The following TRMT44 variants were observed in gnomAD, a reference collection of about 807,000 sequenced individuals.
The protein encoded by TRMT44 is tRNA methyltransferase 44 homolog, also known as probable tRNA (uracil-O(2)-)-methyltransferase.
In TRMT44, 78 loss-of-function variants were observed where a neutral mutation model predicts 77.3. The observed-to-expected ratio is 1.01, with a 90% CI of 0.84 to 1.22. The LOEUF (loss-of-function observed/expected upper bound fraction) is 1.22, where lower values mean the gene tolerates loss of function less well. Ranked by LOEUF, TRMT44 falls within the 50% of genes most tolerant of loss-of-function variation. The pLI is 0.00. For missense variants in TRMT44, 1,090 were observed against 964.4 expected, an observed-to-expected ratio of 1.13 and a Z score of -1.73; for synonymous variants, 391 against 383.3, an observed-to-expected ratio of 1.02 and a Z score of -0.23.
At chr4:8,494,769 G>C (rs1728104010), downstream of TRMT44, among the ~76,000 whole-genome samples, 1 of 151,994 alleles carries the variant, frequency 6.6e-6, no homozygotes, top group Non-Finnish European at 1.5e-5. Flanking sequence ...CAGATATTTT[G>C]GGTTCAAATA....
chr4:8,483,963 G>T (rs1050270257), intron 2 of TRMT44, among the ~76,000 whole-genome samples: 3 of 152,200 alleles, frequency 2.0e-5, no homozygotes, highest in Non-Finnish European at 4.4e-5. Context: ...AGCTTCATGT[G>T]TAGGGAAGGG....
At chr4:8,482,061 G>A in intron 2 of TRMT44, among the ~76,000 whole-genome samples, 1 of 152,244 alleles carries the variant, frequency 6.6e-6, no homozygotes, top group South Asian at 2.1e-4. Flanking sequence ...GTCGAGGTCT[G>A]CAAAGCTTTT....
At chr4:8,465,075 G>A (rs1269854182) in intron 7 of TRMT44, among the ~76,000 whole-genome samples, 2 of 152,124 alleles carry the variant, frequency 1.3e-5, no homozygotes, top group Non-Finnish European at 2.9e-5. Context: ...AGTGGGGAGT[G>A]AGGGAGAGGG....
intron 7 of TRMT44, among the ~76,000 whole-genome samples, chr4:8,464,998 A>T (rs1369864945): frequency 6.6e-6 from 1 of 152,176 alleles, no homozygotes; most frequent in East Asian, 1.9e-4. Context: ...CTCACTGATA[A>T]GTGGGAGCTA....
Position 8,470,956 on chromosome 4 carries a change from C to T in TRMT44, c.1928-128C>T, listed in dbSNP as rs1726948672. 3 of 657,528 alleles carry T rather than the reference C, an allele frequency of 4.6e-6. No individual in the cohort carries two copies. The South Asian group carries it at 5.8e-5, about 13-fold the overall frequency. The allele number at this position is 657,528 out of a possible 1,614,324, so 40.7% of individuals were successfully genotyped here. Reference sequence around the variant, plus strand: ...TGGTGTGGGTTAGGTGAGATGGAATCGTCCTTCGTGCTGGAGTGCATAACG... The same window carrying T: ...TGGTGTGGGTTAGGTGAGATGGAATTGTCCTTCGTGCTGGAGTGCATAACG... On this transcript the variant is annotated intron_variant, in intron 9 of 10. Transcript: ENST00000389737.
the TRMT44 span, chr4:8,512,422 A>G: frequency 6.6e-6 from 1 of 152,188 alleles, no homozygotes; most frequent in Non-Finnish European, 1.5e-5. Flanking sequence ...TCATCTTTGC[A>G]TGATTTCCAG....
At chr4:8,507,767 TC>T in the TRMT44 span, among the ~76,000 whole-genome samples, 1 of 152,132 alleles carries the variant, frequency 6.6e-6, no homozygotes, top group African/African-American at 2.4e-5. Flanking sequence ...CACAGCGTGT[TC>T]CGGCCCCCGC....
At chr4:8,453,925 C>CT (rs934781683) in intron 5 of TRMT44, among the ~76,000 whole-genome samples, 1 of 152,134 alleles carries the variant, frequency 6.6e-6, no homozygotes, top group African/African-American at 2.4e-5. Context: ...TTACAATGCC[C>CT]TTTTTCAAGT....
intron 3 of TRMT44, 61 bp downstream of exon 3, chr4:8,449,949 C>CTTTTTTTTTTTTTTTTTTTTTTTTT (rs745915221): frequency 8.8e-5 from 21 of 239,152 alleles, no homozygotes; most frequent in South Asian, 3.0e-4. Context: ...CTTTTCTTTT[C>CTTTTTTTTTTTTTTTTTTTTTTTTT]TTTTTTTTTT....
chr4:8,449,249 C>A (rs1032645787), intron 2 of TRMT44, among the ~76,000 whole-genome samples: 2 of 152,248 alleles, frequency 1.3e-5, no homozygotes, highest in African/African-American at 4.8e-5. Flanking sequence ...GCCTTTATCT[C>A]TGTGGCTGAG....
In TRMT44 at chr4:8,465,499, G is replaced by A. The variant is rs552465552; in HGVS notation, c.1432G>A (p.Val478Met). 16 of 1,614,068 alleles carry A rather than the reference G, an allele frequency of 9.9e-6. No individual in the cohort carries two copies. Among genetic ancestry groups the A allele is most frequent in the Middle Eastern group, 1.6e-4 (1 of 6,084 alleles). Residue 478 changes from valine to methionine, a missense_variant, in exon 8 of 11, where the codon GTG (valine) becomes ATG (methionine). By Grantham distance (21) the Val-to-Met change is conservative. Coordinates refer to ENST00000389737, the MANE Select transcript of TRMT44 (RefSeq NM_152544.3). ...YREYLDFIKE[V>M]GFTCGFHVDE... ...GGAATACCTTGACTTCATTAAAGAA[G>A]TGGGCTTCACCTGTGGGTTTCACGT...
Position 8,468,104 on chromosome 4 carries a change from C to T in TRMT44, c.1685C>T (p.Ala562Val). 6.2e-7 allele frequency: 1 copy of T among 1,613,944 alleles called. No individual in the cohort carries two copies. The highest frequency in any genetic ancestry group is 8.5e-7 in the Non-Finnish European group (1 of 1,179,978). The part of the protein sequence containing the change: ...GHCDGQQALD[A>V]RVGCVTRAWA... Reference sequence around the variant, plus strand: ...TGTGACGGTCAGCAAGCTCTGGACGCCAGGGTCGGGTGTGTAACCAGGGCC... The same window carrying T: ...TGTGACGGTCAGCAAGCTCTGGACGTCAGGGTCGGGTGTGTAACCAGGGCC... Residue 562 changes from alanine to valine, a missense_variant, in exon 9 of 11, where the codon GCC (alanine) becomes GTC (valine). Physicochemically the swap from Ala to Val is moderately conservative, Grantham distance 64 (BLOSUM62 0). Transcript: ENST00000389737.
intron 1 of TRMT44, among the ~76,000 whole-genome samples, chr4:8,445,674 A>C (rs1009728785): frequency 6.6e-6 from 1 of 151,980 alleles, no homozygotes; most frequent in Non-Finnish European, 1.5e-5. Flanking sequence ...TCTGATTGTT[A>C]GAGTTTTCTC....
At chr4:8,513,521 G>T in the TRMT44 span, among the ~76,000 whole-genome samples, 1 of 152,248 alleles carries the variant, frequency 6.6e-6, no homozygotes, top group African/African-American at 2.4e-5. Context: ...TAATCATAAA[G>T]GTGAAAATGG....
rs554381265 is a variant in TRMT44, at chr4:8,475,889, T to A, written c.2162T>A (p.Phe721Tyr). ...GCCTGCAAAACCCGCCTCTGCTGGT[T>A]CTTCATGCATCACCCTGATGGCTGC... The part of the protein sequence containing the change: ...SEACKTRLCW[F>Y]FMHHPDGCAL... Residue 721 changes from phenylalanine to tyrosine, a missense_variant, in exon 11 of 11, where the codon TTC (phenylalanine) becomes TAC (tyrosine). Physicochemically the swap from Phe to Tyr is conservative, Grantham distance 22. Coordinates refer to ENST00000389737, the MANE Select transcript of TRMT44 (RefSeq NM_152544.3). The A allele has an allele frequency of 1.9e-5, 31 of 1,614,206 alleles. No individual in the cohort carries two copies. In the East Asian group the frequency reaches 6.9e-4, roughly 36 times the overall value.
the TRMT44 span, among the ~76,000 whole-genome samples, chr4:8,502,826 CAG>C: frequency 2.0e-5 from 3 of 152,234 alleles, no homozygotes; most frequent in Non-Finnish European, 2.9e-5. Context: ...CGCTTACACT[CAG>C]GGGAGATTAA....
chr4:8,443,756 C>T (rs568896837), intron 1 of TRMT44, among the ~76,000 whole-genome samples: 6 of 151,976 alleles, frequency 3.9e-5, no homozygotes, highest in African/African-American at 1.5e-4. Context: ...TGTGACTGTT[C>T]GAGACCAGCC....
downstream of TRMT44, chr4:8,479,080 C>G (rs1417570884): frequency 6.6e-6 from 1 of 152,308 alleles, no homozygotes; most frequent in South Asian, 2.1e-4. Flanking sequence ...TCCCTCTCAT[C>G]CTGCCATCCG....
Position 8,449,737 on chromosome 4 carries a change from C to T in TRMT44, c.803C>T (p.Thr268Met), listed in dbSNP as rs1054321106. The change falls in exon 3 of 11, where the codon ACG becomes ATG. Residue 268 changes from threonine (T) to methionine (M), a missense_variant. Thr to Met is a moderately conservative substitution (Grantham distance 81). Transcript: ENST00000389737. ...GATGGAATCGTGTATCCCAAACCCA[C>T]GTGGCTTGGAGAAGAGTTGCTGGCC... ...HSDGIVYPKP[T>M]WLGEELLAKL... 2.0e-5 allele frequency: 30 copies of T among 1,535,930 alleles called. No homozygotes were observed. The highest frequency in any genetic ancestry group is 2.7e-5 in the African/African-American group (2 of 73,014).
Sources: allele counts gnomAD v4.1 joint callset (sites outside exome capture counted in the v4.1 genomes callset), GRCh38; gene constraint gnomAD v4.1.1; transcripts MANE v1.5; gene names NCBI Gene and HGNC (gene_info 2026-07-23, HGNC 2026-07-21).